The following MTX3 variants were observed in gnomAD, a reference collection of about 807,000 sequenced individuals.
MTX3 encodes metaxin 3.
In MTX3, 27 loss-of-function variants were observed where a neutral mutation model predicts 42.5. The ratio of observed to expected loss-of-function variants is 0.64; its 90% confidence interval spans 0.47 to 0.88. MTX3 has a LOEUF of 0.88. Among genes scored for constraint, MTX3 ranks in the 40% least tolerant of loss-of-function variants. The probability of loss-of-function intolerance (pLI) is 0.00; values close to 1 mark genes in which losing one functional copy is unlikely to be tolerated. For missense variants in MTX3, 378 were observed against 367.0 expected (o/e 1.03, Z -0.25); for synonymous variants, 144 against 132.9 (o/e 1.08, Z -0.57).
chr5:79,988,269 A>C lies in MTX3; in HGVS notation c.551T>G (p.Leu184Trp), dbSNP rs1831543721. ...TCCAAAGAAAAACTGAGATGTTCCC[A>C]ATCTGTTTGATAGAAGATTTAGGCA... ...KECLNLLSNR[L>W]GTSQFFFGDT... The change falls in exon 6 of 9, where the codon TTG becomes TGG. Residue 184 changes from leucine (L) to tryptophan (W), a missense_variant. Transcript: ENST00000512528. 49 of 1,553,652 alleles carry C rather than the reference A, an allele frequency of 3.2e-5. No individual in the cohort carries two copies. Among genetic ancestry groups the C allele is most frequent in the Admixed American group, 5.8e-5 (3 of 52,056 alleles).
chr5:79,983,930 T>C lies in MTX3; in HGVS notation c.829-136A>G, dbSNP rs561205843. Reference sequence around the variant, plus strand: ...TGGGCTGCTAGAGAAACCTTTTTCTTACAAATAATCTCAAGAATTCTAAAT... The same window carrying C: ...TGGGCTGCTAGAGAAACCTTTTTCTCACAAATAATCTCAAGAATTCTAAAT... On this transcript the variant is annotated intron_variant, in intron 8 of 8. Transcript: ENST00000512528. 13 of 569,114 alleles carry C rather than the reference T, an allele frequency of 2.3e-5. No individual in the cohort carries two copies. The East Asian group carries it at 3.0e-4, about 13-fold the overall frequency. 35.3% of individuals were successfully genotyped at this position (569,114 alleles called of 1,614,324 possible). A position where few individuals can be genotyped will look rare whatever the true frequency, so the allele number is the denominator to read the frequency against.
At position 79,990,614 on chromosome 5, in the gene MTX3, TTATC is replaced by T. The variant is rs768886690; in HGVS notation, c.127_130del (p.Asp43ThrfsTer13). 5.3e-5 allele frequency: 86 copies of T among 1,611,678 alleles called. No homozygotes were observed. The highest frequency in any genetic ancestry group is 6.4e-5 in the Non-Finnish European group (75 of 1,178,738). On this transcript the variant is annotated frameshift_variant, in exon 2 of 9. Coordinates refer to ENST00000512528, the MANE Select transcript of MTX3 (RefSeq NM_001363818.2). LOFTEE classifies it high-confidence loss of function. ...TATACCTCTTGAACCTCTCCAGGTG[TTATC>T]TATCACATTGACTTTCAAGGGTGCA...
chr5:79,978,817 A>G lies in MTX3; in HGVS notation c.*4867T>C, dbSNP rs79688439. On this transcript the variant is annotated 3_prime_UTR_variant, in exon 9 of 9. Coordinates refer to ENST00000512528, the MANE Select transcript of MTX3 (RefSeq NM_001363818.2). ...AAAACACTCCTTCAGGAACTGCTTC[A>G]CCCAGAACCAAACAGGTGAGTTTTA... 8.6e-3 allele frequency: 1,317 copies of G among 152,726 alleles called. 7 individuals carry two copies. The highest frequency in any genetic ancestry group is 0.015 in the Non-Finnish European group (1,020 of 68,028). The allele number at this position is 152,726 out of a possible 1,614,324, so 9.5% of individuals were successfully genotyped here.
intron 1 of MTX3, 56 bp from the exon 2 acceptor site, chr5:79,990,719 A>C (rs776942556): frequency 1.6e-6 from 2 of 1,277,518 alleles, no homozygotes; most frequent in Admixed American, 1.8e-5. Context: ...GCAAAGCTGC[A>C]GAGCAGCTTT....
intron 2 of MTX3, 44 bp downstream of exon 2, chr5:79,990,548 GAA>G (rs369923276): frequency 4.8e-6 from 6 of 1,250,498 alleles, no homozygotes; most frequent in African/African-American, 3.0e-5. Context: ...AATGGAAGAA[GAA>G]AAAAAAGAGT....
At position 79,985,183 on chromosome 5, in the gene MTX3, G is replaced by A. The variant is rs183987337; in HGVS notation, c.828+388C>T. On this transcript the variant is annotated intron_variant, in intron 8 of 8. Coordinates refer to ENST00000512528, the MANE Select transcript of MTX3 (RefSeq NM_001363818.2). ...TTTTTAGTAGAGACGGGGTTTCGCC[G>A]TATAAGCCAGGATGGTCTCGATCTC... Among the ~76,000 whole-genome samples, 940 of 152,094 alleles carry A rather than the reference G, an allele frequency of 6.2e-3. 9 individuals are homozygous for A. The highest frequency in any genetic ancestry group is 0.021 in the African/African-American group (891 of 41,498).
chr5:79,981,244 A>C lies in MTX3; in HGVS notation c.*2440T>G, dbSNP rs1475946827. 1 of 152,162 alleles carries C rather than the reference A, an allele frequency of 6.6e-6. No individual in the cohort carries two copies. The highest frequency in any genetic ancestry group is 1.9e-4 in the East Asian group (1 of 5,194). 9.4% of individuals were successfully genotyped at this position (152,162 alleles called of 1,614,324 possible). ...CTGCTCCCTAAAGTACTTTGTGCTC[A>C]GTTACAGCTTCCTGTCATCTCATTT... On this transcript the variant is annotated 3_prime_UTR_variant, in exon 9 of 9. Coordinates refer to ENST00000512528, the MANE Select transcript of MTX3 (RefSeq NM_001363818.2).
intron 1 of MTX3, 152 bp downstream of exon 1, chr5:79,991,006 G>C (rs1831644591): frequency 1.2e-6 from 1 of 848,132 alleles, no homozygotes; most frequent in Non-Finnish European, 2.0e-6. Context: ...GCCAGGTTGG[G>C]ACTCGTCGGT....
At chr5:79,989,130 T>C (rs1265488050) in intron 4 of MTX3, 22 bp downstream of exon 4, 4 of 1,509,288 alleles carry the variant, frequency 2.7e-6, no homozygotes, top group South Asian at 2.5e-5. Flanking sequence ...ACTAAAATAC[T>C]GTAATATTTA....
At position 79,980,604 on chromosome 5, in the gene MTX3, T is replaced by C. The variant is rs1481370168; in HGVS notation, c.*3080A>G. The C allele has an allele frequency of 3.9e-5, 6 of 151,908 alleles. No homozygotes were observed. The highest frequency in any genetic ancestry group is 3.9e-4 in the Admixed American group (6 of 15,248). The allele number at this position is 151,908 out of a possible 1,614,324, so 9.4% of individuals were successfully genotyped here. ...AATCAATCTGATGGATGATTGATGG[T>C]AGTTTGTTCATGGAAGATCTTCATC... On this transcript the variant is annotated 3_prime_UTR_variant, in exon 9 of 9. Transcript: ENST00000512528.
rs1831361167 is a variant in MTX3 at position 79,981,031 on chromosome 5, G to C, written c.*2653C>G. On this transcript the variant is annotated 3_prime_UTR_variant, in exon 9 of 9. Coordinates refer to ENST00000512528, the MANE Select transcript of MTX3 (RefSeq NM_001363818.2). The stretch of plus-strand genomic sequence containing the variant: ...ACTAAAAAAAAAACAAAATTAGCTG[G>C]GCATGGTGGCACATGCCTGTAATCC... The C allele has an allele frequency of 6.6e-6, 1 of 152,164 alleles. No individual in the cohort carries two copies. Among genetic ancestry groups the C allele is most frequent in the African/African-American group, 2.4e-5 (1 of 41,400 alleles). The allele number at this position is 152,164 out of a possible 1,614,324, so 9.4% of individuals were successfully genotyped here. A position where few individuals can be genotyped will look rare whatever the true frequency, so the allele number is the denominator to read the frequency against.
chr5:79,983,890 G>T, intron 8 of MTX3, 96 bp from the exon 9 acceptor site: 1 of 735,816 alleles, frequency 1.4e-6, no homozygotes, highest in South Asian at 1.8e-5. Context: ...GAAGAGTACA[G>T]AACCATATGT....
intron 7 of MTX3, chr5:79,986,595 G>C (rs1412882502): frequency 2.6e-6 from 1 of 378,552 alleles, no homozygotes; most frequent in Non-Finnish European, 5.1e-6. Flanking sequence ...ATCATTTAAA[G>C]TAATTGTCCA....
At chr5:79,987,162 G>C (rs948640821) in intron 6 of MTX3, 55 bp from the exon 7 acceptor site, 1 of 1,532,248 alleles carries the variant, frequency 6.5e-7, no homozygotes. Flanking sequence ...ACTGAAGGCC[G>C]GGTGTGGTGG....
intron 7 of MTX3, 26 bp downstream of exon 7, chr5:79,986,924 C>T: frequency 6.2e-7 from 1 of 1,606,106 alleles, no homozygotes. Context: ...TGCAAACAAA[C>T]ATTAGCTGAA....
rs1294616759 is a variant in MTX3, at chr5:79,983,456, C to T, written c.*228G>A. ...CAGTACGATGTGTTTTTCTTCCCCG[C>T]CCCCCCAACCAAGTTCATTTAGCAT... On this transcript the variant is annotated 3_prime_UTR_variant, in exon 9 of 9. Transcript: ENST00000512528. 1.8e-5 allele frequency: 9 copies of T among 514,154 alleles called. No homozygotes were observed. The highest frequency in any genetic ancestry group is 7.0e-5 in the East Asian group (2 of 28,636). The allele number at this position is 514,154 out of a possible 1,614,324, so 31.8% of individuals were successfully genotyped here.
chr5:79,990,372 T>C, intron 2 of MTX3, 136 bp from the exon 3 acceptor site: 1 of 722,180 alleles, frequency 1.4e-6, no homozygotes. Flanking sequence ...TTTTGCTGTT[T>C]CACAAAGAGC....
chr5:79,985,750 C>G, intron 7 of MTX3, 91 bp from the exon 8 acceptor site: 2 of 807,848 alleles, frequency 2.5e-6, no homozygotes, highest in South Asian at 3.4e-5. Flanking sequence ...GTCTACCCAC[C>G]CTGTCCAGTG....
intron 6 of MTX3, 139 bp from the exon 7 acceptor site, chr5:79,987,246 G>A: frequency 2.0e-5 from 13 of 648,078 alleles, no homozygotes; most frequent in South Asian, 4.7e-5. Flanking sequence ...TTCCAGATAA[G>A]CCTGGCCAAC....
Sources: gnomAD v4.1 joint callset for allele counts (sites outside exome capture counted in the v4.1 genomes callset) on GRCh38, gnomAD v4.1.1 for gene constraint, MANE v1.5 for transcripts, NCBI Gene and HGNC (gene_info 2026-07-23, HGNC 2026-07-21) for gene names.